Variants in NEK1 observed in about 807,000 individuals in gnomAD.
NEK1 encodes NIMA related kinase 1.
NEK1 carries 137 observed loss-of-function variants against 182.1 expected under a neutral mutation model. That is an observed-to-expected ratio of 0.75 (90% CI 0.65 to 0.87). The LOEUF (loss-of-function observed/expected upper bound fraction) is 0.87, where lower values mean the gene tolerates loss of function less well. Ranked by LOEUF, NEK1 falls within the 40% of genes least tolerant of loss-of-function variation. The pLI, the probability that NEK1 is intolerant of heterozygous loss-of-function variation, is 0.00. For missense variants in NEK1, 1,391 were observed against 1,494.4 expected (o/e 0.93, Z 1.14); for synonymous variants, 513 against 492.2 (o/e 1.04, Z -0.56).
At chr4:169,588,623 C>T in intron 8 of NEK1, 26 bp downstream of exon 8, 4 of 1,368,814 alleles carry the variant, frequency 2.9e-6, no homozygotes, top group Non-Finnish European at 3.0e-6. Flanking sequence ...GCAAATACAT[C>T]ACATAATGAA....
chr4:169,548,599 G>A (rs945821577), intron 18 of NEK1, among the ~76,000 whole-genome samples: 9 of 152,218 alleles, frequency 5.9e-5, no homozygotes, highest in African/African-American at 2.2e-4. Flanking sequence ...TCTGTCCCAG[G>A]GAGGTGGGGG....
At chr4:169,429,593 GA>G (rs200521255) in intron 29 of NEK1, among the ~76,000 whole-genome samples, 2,004 of 86,386 alleles carry the variant, frequency 0.023, 40 homozygotes, top group African/African-American at 0.084. Flanking sequence ...CACTGATGTG[GA>G]AAAGGACTCT....
intron 27 of NEK1, 100 bp downstream of exon 27, chr4:169,463,143 A>C: frequency 3.1e-6 from 2 of 650,460 alleles, no homozygotes; most frequent in Non-Finnish European, 4.5e-6. Flanking sequence ...GAGAAAGATA[A>C]TTAAAAATAA....
At chr4:169,582,444 T>C (rs943345931) in intron 10 of NEK1, among the ~76,000 whole-genome samples, 3 of 152,290 alleles carry the variant, frequency 2.0e-5, no homozygotes, top group Middle Eastern at 6.8e-3. Context: ...ATGCTAAAGT[T>C]TGAGAACCTT....
intron 27 of NEK1, among the ~76,000 whole-genome samples, chr4:169,461,597 A>G (rs916504306): frequency 3.9e-5 from 6 of 152,200 alleles, no homozygotes; most frequent in African/African-American, 1.4e-4. Context: ...CGATGATGGT[A>G]AAAACTGTCA....
intron 16 of NEK1, among the ~76,000 whole-genome samples, chr4:169,558,097 A>G (rs1762405257): frequency 6.6e-6 from 1 of 152,192 alleles, no homozygotes; most frequent in Non-Finnish European, 1.5e-5. Context: ...ATCAGAATTC[A>G]GTTATAAGGT....
At chr4:169,495,898 T>C (rs1467848114) in intron 23 of NEK1, among the ~76,000 whole-genome samples, 1 of 152,126 alleles carries the variant, frequency 6.6e-6, no homozygotes, top group African/African-American at 2.4e-5. Context: ...TCTTTTTTGG[T>C]TCCATGTGAA....
At chr4:169,502,825 A>G (rs1212603896) in intron 23 of NEK1, among the ~76,000 whole-genome samples, 1 of 152,154 alleles carries the variant, frequency 6.6e-6, no homozygotes, top group Non-Finnish European at 1.5e-5. Flanking sequence ...CTAGAACAAG[A>G]CAAGGATTCC....
intron 27 of NEK1, among the ~76,000 whole-genome samples, chr4:169,452,341 C>T (rs1215375620): frequency 2.6e-5 from 4 of 152,148 alleles, no homozygotes; most frequent in Non-Finnish European, 4.4e-5. Context: ...ATCCTGATAC[C>T]AAAGACTGGC....
At chr4:169,576,003 A>T (rs1765633351) in intron 12 of NEK1, among the ~76,000 whole-genome samples, 1 of 151,350 alleles carries the variant, frequency 6.6e-6, no homozygotes, top group South Asian at 2.1e-4. Flanking sequence ...TCTCATGGTC[A>T]CCCAGGCTGT....
intron 2 of NEK1, among the ~76,000 whole-genome samples, chr4:169,608,474 AT>A (rs1490287791): frequency 6.6e-6 from 1 of 152,248 alleles, no homozygotes; most frequent in African/African-American, 2.4e-5. Flanking sequence ...AAATAAAAGC[AT>A]AATAGTAATA....
intron 26 of NEK1, among the ~76,000 whole-genome samples, chr4:169,464,092 T>C (rs13140560): frequency 0.041 from 6,274 of 152,240 alleles, 169 homozygotes; most frequent in African/African-American, 0.063. Flanking sequence ...CTATGGTTGT[T>C]TGGCATCACC....
At chr4:169,501,466 A>G (rs751856158) in intron 23 of NEK1, among the ~76,000 whole-genome samples, 6 of 152,206 alleles carry the variant, frequency 3.9e-5, no homozygotes, top group Non-Finnish European at 4.4e-5. Flanking sequence ...ATCTGCACAC[A>G]GAACATAGTC....
intron 2 of NEK1, among the ~76,000 whole-genome samples, chr4:169,610,087 G>A (rs1772064856): frequency 6.8e-6 from 1 of 147,488 alleles, no homozygotes; most frequent in Middle Eastern, 3.5e-3. Context: ...GTGCCATTTC[G>A]GCCTCCGAGG....
At chr4:169,506,095 A>G (rs1753206012) in intron 23 of NEK1, among the ~76,000 whole-genome samples, 1 of 151,904 alleles carries the variant, frequency 6.6e-6, no homozygotes, top group Admixed American at 6.6e-5. Context: ...AAAAAAAAAG[A>G]AACAAGAATT....
chr4:169,466,756 A>C (rs1017259711), intron 26 of NEK1, among the ~76,000 whole-genome samples: 15 of 152,264 alleles, frequency 9.9e-5, no homozygotes, highest in African/African-American at 3.4e-4. Flanking sequence ...TCTTCTACAC[A>C]AAAGAAATGA....
At chr4:169,559,427 A>T (rs1373265382) in intron 16 of NEK1, among the ~76,000 whole-genome samples, 2 of 152,222 alleles carry the variant, frequency 1.3e-5, no homozygotes, top group Non-Finnish European at 2.9e-5. Flanking sequence ...AGATAAAATT[A>T]TACTACTAAA....
At chr4:169,587,020 CTTTT>C (rs34313187) in intron 9 of NEK1, among the ~76,000 whole-genome samples, 1 of 151,758 alleles carries the variant, frequency 6.6e-6, no homozygotes, top group Non-Finnish European at 1.5e-5. Context: ...CAAAAAACTG[CTTTT>C]TTAAGATTAA....
chr4:169,531,414 C>T (rs907822868), intron 19 of NEK1, among the ~76,000 whole-genome samples: 5 of 151,386 alleles, frequency 3.3e-5, no homozygotes, highest in South Asian at 4.2e-4. Flanking sequence ...TAACTACAGA[C>T]GTATGCAGAG....
Sources: gnomAD v4.1 joint callset for allele counts (sites outside exome capture counted in the v4.1 genomes callset) on GRCh38, gnomAD v4.1.1 for gene constraint, MANE v1.5 for transcripts, NCBI Gene and HGNC (gene_info 2026-07-23, HGNC 2026-07-21) for gene names.